Variants in DRC3 observed in about 807,000 individuals in gnomAD.
The protein encoded by DRC3 is dynein regulatory complex subunit 3.
In DRC3, 45 loss-of-function variants were observed where a neutral mutation model predicts 57.6. That is an observed-to-expected ratio of 0.78 (90% confidence interval 0.62 to 1.00). DRC3 has a LOEUF of 1.00. Among genes scored for constraint, DRC3 ranks in the 50% least tolerant of loss-of-function variants. The pLI, the probability that DRC3 is intolerant of heterozygous loss-of-function variation, is 0.00. For synonymous variants in DRC3, 257 were observed against 272.3 expected, an observed-to-expected ratio of 0.94 and a Z score of 0.55; for missense variants, 655 against 675.2, an observed-to-expected ratio of 0.97 and a Z score of 0.33.
intron 11 of DRC3, chr17:18,006,755 G>A: frequency 2.2e-6 from 1 of 449,338 alleles, no homozygotes. Flanking sequence ...AAATGCACAG[G>A]GTGAGAAGCA....
intron 12 of DRC3, among the ~76,000 whole-genome samples, chr17:18,012,972 C>T (rs928434765): frequency 5.3e-5 from 8 of 151,988 alleles, no homozygotes; most frequent in African/African-American, 1.9e-4. Flanking sequence ...AGCAAAAAAA[C>T]AAACAATTCA....
chr17:17,997,614 T>C lies in DRC3; in HGVS notation c.979T>C (p.Phe327Leu), dbSNP rs1252876675. ...QEQGKRKIAK[F>L]EEKHLSSLSA... ...GCAGGGCAAACGCAAGATTGCCAAA[T>C]TCGAGGAGAAGCACTTGTCGGTAGG... Residue 327 changes from phenylalanine to leucine, a missense_variant, in exon 9 of 14, where the codon TTC becomes CTC. Transcript: ENST00000399187. 1 of 1,608,444 alleles carries C rather than the reference T, an allele frequency of 6.2e-7. No individual in the cohort carries two copies. Among genetic ancestry groups the C allele is most frequent in the Non-Finnish European group, 8.5e-7 (1 of 1,177,660 alleles).
chr17:18,009,624 G>T (rs2044100779), intron 12 of DRC3, among the ~76,000 whole-genome samples: 1 of 152,166 alleles, frequency 6.6e-6, no homozygotes, highest in Admixed American at 6.5e-5. Flanking sequence ...TAACAGATAG[G>T]GTTGTGATTT....
chr17:17,989,004 T>C (rs2043097966), intron 5 of DRC3, among the ~76,000 whole-genome samples: 1 of 152,104 alleles, frequency 6.6e-6, no homozygotes, highest in Non-Finnish European at 1.5e-5. Flanking sequence ...TTTGCAGGAA[T>C]CAAGTGGGAT....
intron 12 of DRC3, chr17:18,010,828 C>T: frequency 2.8e-6 from 1 of 353,058 alleles, no homozygotes; most frequent in African/African-American, 2.2e-5. Context: ...GCTGGGCTGC[C>T]TGGTCAAGGA....
intron 9 of DRC3, among the ~76,000 whole-genome samples, chr17:17,999,292 C>G (rs1361002243): frequency 3.9e-5 from 6 of 152,216 alleles, no homozygotes; most frequent in Admixed American, 6.5e-5. Context: ...CTTCTAGAGC[C>G]AAGAGCAGTG....
Position 17,977,682 on chromosome 17 carries a change from G to A in DRC3, c.84G>A (p.Gln28=). ...TGGCCGTCGGGGACCAGGGCCCCCA[G>A]GAGGAGGCCGGGCAGCTGGCCAAGC... ...LKLAVGDQGP[Q]EEAGQLAKQE... Residue 28 remains glutamine (Q), a synonymous_variant, in exon 3 of 14, where the codon CAG becomes CAA. Coordinates refer to ENST00000399187, the MANE Select transcript of DRC3 (RefSeq NM_031294.4). The A allele has an allele frequency of 6.2e-7, 1 of 1,613,180 alleles. No homozygotes were observed. Among genetic ancestry groups the A allele is most frequent in the Admixed American group, 1.7e-5 (1 of 60,022 alleles).
chr17:18,014,935 C>G (rs2044302235), intron 12 of DRC3: 1 of 152,194 alleles, frequency 6.6e-6, no homozygotes, highest in African/African-American at 2.4e-5. Flanking sequence ...CCCAGACACC[C>G]CATTCCACAT....
intron 12 of DRC3, chr17:18,010,949 TG>T (rs2044147081): frequency 9.9e-5 from 22 of 222,304 alleles, no homozygotes; most frequent in East Asian, 3.4e-4. Flanking sequence ...GTTTTTTTTT[TG>T]TTTGTTTGTT....
intron 7 of DRC3, 84 bp from the exon 8 acceptor site, chr17:17,994,915 T>TG: frequency 1.1e-6 from 1 of 877,984 alleles, no homozygotes; most frequent in Non-Finnish European, 1.9e-6. Context: ...TGCTCCCTCC[T>TG]GACCTGCCTT....
intron 11 of DRC3, chr17:18,006,806 A>G: frequency 1.7e-6 from 1 of 584,096 alleles, no homozygotes; most frequent in Non-Finnish European, 2.9e-6. Flanking sequence ...GGAGGGAGAG[A>G]AGAGTGTGAT....
intron 2 of DRC3, among the ~76,000 whole-genome samples, 158 bp downstream of exon 2, chr17:17,974,120 A>T (rs544970349): frequency 6.6e-6 from 1 of 152,392 alleles, no homozygotes; most frequent in African/African-American, 2.4e-5. Context: ...AGTCATGATT[A>T]GGAAAATGAA....
At chr17:17,978,529 T>C (rs987724037) in intron 3 of DRC3, among the ~76,000 whole-genome samples, 2 of 152,180 alleles carry the variant, frequency 1.3e-5, no homozygotes, top group Non-Finnish European at 2.9e-5. Flanking sequence ...TGATTCACAT[T>C]CGTGCTCTGT....
chr17:18,000,192 C>CTGTG (rs1491126209), intron 9 of DRC3, among the ~76,000 whole-genome samples: 11 of 50,986 alleles, frequency 2.2e-4, no homozygotes, highest in African/African-American at 8.8e-4. Context: ...CTTTGCTTTC[C>CTGTG]TCTGTGTGTG....
At chr17:17,974,896 G>T (rs1048503226) in intron 2 of DRC3, among the ~76,000 whole-genome samples, 1 of 152,204 alleles carries the variant, frequency 6.6e-6, no homozygotes, top group Non-Finnish European at 1.5e-5. Flanking sequence ...CACTACCCAT[G>T]TGTGGACTAA....
intron 3 of DRC3, among the ~76,000 whole-genome samples, chr17:17,980,694 A>C (rs2042633729): frequency 6.7e-6 from 1 of 149,488 alleles, no homozygotes. Flanking sequence ...TCCCGGGTTC[A>C]AGTGATTCTC....
At chr17:18,007,789 G>A in intron 12 of DRC3, 1 of 1,084,926 alleles carries the variant, frequency 9.2e-7, no homozygotes, top group Non-Finnish European at 1.1e-6. Context: ...GAGATACTAT[G>A]TTGTCAGGGC....
intron 12 of DRC3, 190 bp downstream of exon 12, chr17:18,007,337 C>T: frequency 6.7e-7 from 1 of 1,496,258 alleles, no homozygotes; most frequent in Admixed American, 2.0e-5. Context: ...TGGTGGGGCA[C>T]CCAGTGGGGC....
chr17:17,993,134 A>C, intron 6 of DRC3: 1 of 519,396 alleles, frequency 1.9e-6, no homozygotes, highest in Non-Finnish European at 3.4e-6. Context: ...GGCCTCTTCC[A>C]CACACTGTCC....
Sources: gnomAD v4.1 joint callset for allele counts (sites outside exome capture counted in the v4.1 genomes callset) on GRCh38, gnomAD v4.1.1 for gene constraint, MANE v1.5 for transcripts, NCBI Gene and HGNC (gene_info 2026-07-23, HGNC 2026-07-21) for gene names.